SLC25A21: variants seen among roughly 807,000 people sequenced by gnomAD.
SLC25A21 encodes solute carrier family 25 member 21, also known as mitochondrial 2-oxodicarboxylate carrier.
A neutral mutation model predicts 43.8 loss-of-function variants in SLC25A21; 47 were observed. That is an observed-to-expected ratio of 1.07 (90% CI 0.85 to 1.37). The LOEUF is 1.37. Ranked by LOEUF, SLC25A21 falls within the 40% of genes most tolerant of loss-of-function variation. The pLI is 0.00. For missense variants in SLC25A21, 352 were observed against 350.2 expected, an observed-to-expected ratio of 1.00 and a Z score of -0.04; for synonymous variants, 131 against 121.3, an observed-to-expected ratio of 1.08 and a Z score of -0.52.
chr14:37,004,305 A>G (rs2138729013), intron 1 of SLC25A21, among the ~76,000 whole-genome samples: 1 of 152,332 alleles, frequency 6.6e-6, no homozygotes, highest in Admixed American at 6.5e-5. Flanking sequence ...AAAAACTATC[A>G]GTTGACATCT....
intron 1 of SLC25A21, among the ~76,000 whole-genome samples, chr14:37,101,319 A>G (rs1214453939): frequency 6.6e-6 from 1 of 152,196 alleles, no homozygotes; most frequent in East Asian, 1.9e-4. Context: ...GTGAGCACAC[A>G]GAAGTTTTAT....
chr14:37,110,907 C>G (rs538632244), intron 1 of SLC25A21, among the ~76,000 whole-genome samples: 2 of 151,588 alleles, frequency 1.3e-5, no homozygotes, highest in South Asian at 4.2e-4. Flanking sequence ...CTTATTCTAT[C>G]GCTCTAAAAA....
chr14:37,059,311 C>A (rs1961894819), intron 1 of SLC25A21, among the ~76,000 whole-genome samples: 1 of 152,144 alleles, frequency 6.6e-6, no homozygotes, highest in African/African-American at 2.4e-5. Flanking sequence ...AGTTAAGTAA[C>A]CTGTCCAAGG....
At chr14:37,019,501 T>C (rs147113660) in intron 1 of SLC25A21, among the ~76,000 whole-genome samples, 5 of 151,914 alleles carry the variant, frequency 3.3e-5, no homozygotes, top group South Asian at 2.1e-4. Context: ...CTATGCAACA[T>C]AGCAATAATA....
intron 1 of SLC25A21, among the ~76,000 whole-genome samples, chr14:36,945,990 T>C (rs970028111): frequency 6.6e-6 from 1 of 152,164 alleles, no homozygotes; most frequent in Non-Finnish European, 1.5e-5. Flanking sequence ...ATAAGCAAGC[T>C]AGCAACATAA....
intron 1 of SLC25A21, among the ~76,000 whole-genome samples, chr14:37,040,356 A>G (rs12437198): frequency 0.041 from 1,507 of 36,866 alleles, 595 homozygotes; most frequent in African/African-American, 0.36. Flanking sequence ...AAGGAAGGAA[A>G]GAAAGAGAGA....
At position 36,725,650 on chromosome 14, in the gene SLC25A21, C is replaced by G. The variant is rs777550936; in HGVS notation, c.358G>C (p.Gly120Arg). ...LTFAIAGLGS[G>R]LTEAIVVNPF... ...TTAACTACAATGGCTTCTGTTAGTC[C>G]AGATCCCAATCCAGCAATGGCGAAT... The change falls in exon 6 of 10, where the codon GGA becomes CGA. Residue 120 changes from glycine (G) to arginine (R), a missense_variant. Coordinates refer to ENST00000331299, the MANE Select transcript of SLC25A21 (RefSeq NM_030631.4). 1.3e-6 allele frequency: 2 copies of G among 1,597,256 alleles called. No homozygotes were observed. The highest frequency in any genetic ancestry group is 2.7e-5 in the African/African-American group (2 of 74,140).
intron 2 of SLC25A21, among the ~76,000 whole-genome samples, chr14:36,817,819 G>T (rs747729831): frequency 6.6e-6 from 1 of 152,146 alleles, no homozygotes; most frequent in Non-Finnish European, 1.5e-5. Context: ...GCATGCTCAG[G>T]TAATTCCCAG....
At chr14:36,967,832 T>TGTGTG (rs1566778754) in intron 1 of SLC25A21, among the ~76,000 whole-genome samples, 2 of 151,550 alleles carry the variant, frequency 1.3e-5, no homozygotes, top group African/African-American at 4.8e-5. Flanking sequence ...CCACATGCAC[T>TGTGTG]TGTGTGTGTG....
chr14:37,163,523 T>C (rs1183096595), intron 1 of SLC25A21, among the ~76,000 whole-genome samples: 1 of 152,124 alleles, frequency 6.6e-6, no homozygotes, highest in African/African-American at 2.4e-5. Flanking sequence ...GGAAAATAAC[T>C]ATCTTCCAAT....
intron 1 of SLC25A21, among the ~76,000 whole-genome samples, chr14:37,025,157 A>C (rs1961067032): frequency 6.6e-6 from 1 of 152,168 alleles, no homozygotes; most frequent in Non-Finnish European, 1.5e-5. Context: ...AGTAGGAAAG[A>C]ATGTGGAAAT....
intron 1 of SLC25A21, among the ~76,000 whole-genome samples, chr14:36,917,558 G>A (rs1891864167): frequency 6.6e-6 from 1 of 152,022 alleles, no homozygotes; most frequent in African/African-American, 2.4e-5. Flanking sequence ...ACTACCACAT[G>A]CATGGTGCAT....
chr14:36,806,223 C>T (rs191010180), intron 3 of SLC25A21, among the ~76,000 whole-genome samples: 33 of 151,922 alleles, frequency 2.2e-4, no homozygotes, highest in African/African-American at 7.7e-4. Context: ...TTTATTTTTA[C>T]TTTTATTTTA....
In SLC25A21 at chr14:36,679,619, T is replaced by A. The variant is rs1386529198; in HGVS notation, c.*1039A>T. 1.0e-6 allele frequency: 1 copy of A among 985,286 alleles called. No homozygotes were observed. Among genetic ancestry groups the A allele is most frequent in the African/African-American group, 1.7e-5 (1 of 57,234 alleles). 61.0% of individuals were successfully genotyped at this position (985,286 alleles called of 1,614,324 possible). On this transcript the variant is annotated 3_prime_UTR_variant, in exon 10 of 10. Coordinates refer to ENST00000331299, the MANE Select transcript of SLC25A21 (RefSeq NM_030631.4). Reference sequence around the variant, plus strand: ...CTAAGTGTATTTCTTTTTCAGAACATTTCCCCTTCATCATACATATTTTAA... The same window carrying A: ...CTAAGTGTATTTCTTTTTCAGAACAATTCCCCTTCATCATACATATTTTAA...
At chr14:36,793,773 C>G (rs1887574938) in intron 3 of SLC25A21, among the ~76,000 whole-genome samples, 2 of 152,192 alleles carry the variant, frequency 1.3e-5, no homozygotes, top group African/African-American at 4.8e-5. Flanking sequence ...CAGTCTTTTT[C>G]TCTGTATTGA....
chr14:36,968,751 G>A (rs1273152032), intron 1 of SLC25A21, among the ~76,000 whole-genome samples: 2 of 152,160 alleles, frequency 1.3e-5, no homozygotes, highest in African/African-American at 2.4e-5. Context: ...AGCGTTCAGC[G>A]ATGTTGTCTT....
intron 1 of SLC25A21, among the ~76,000 whole-genome samples, chr14:37,063,177 A>C (rs542795463): frequency 6.6e-6 from 1 of 152,178 alleles, no homozygotes; most frequent in Admixed American, 6.5e-5. Context: ...CTCTCACAAC[A>C]CGTGGGGATT....
chr14:37,029,935 T>A (rs1170685382), intron 1 of SLC25A21, among the ~76,000 whole-genome samples: 1 of 151,830 alleles, frequency 6.6e-6, no homozygotes, highest in East Asian at 1.9e-4. Context: ...TGGCTAATTT[T>A]TTTATTTTTA....
At chr14:37,032,482 G>A (rs931883644) in intron 1 of SLC25A21, among the ~76,000 whole-genome samples, 3 of 152,104 alleles carry the variant, frequency 2.0e-5, no homozygotes, top group African/African-American at 7.2e-5. Context: ...CTTGCAATGA[G>A]CGGAGATTGT....
Sources: allele counts gnomAD v4.1 joint callset (sites outside exome capture counted in the v4.1 genomes callset), GRCh38; gene constraint gnomAD v4.1.1; transcripts MANE v1.5; gene names NCBI Gene and HGNC (gene_info 2026-07-23, HGNC 2026-07-21).